Variants in SH2B2 observed in about 807,000 individuals in gnomAD.
The protein encoded by SH2B2 is SH2B adaptor protein 2, also known as SH2B adapter protein 2.
In SH2B2, 37 loss-of-function variants were observed where a neutral mutation model predicts 35.7. That is an observed-to-expected ratio of 1.04 (90% CI 0.80 to 1.36). SH2B2 has a LOEUF of 1.36. Ranked by LOEUF, SH2B2 falls within the 40% of genes most tolerant of loss-of-function variation. SH2B2 has a pLI of 0.00. For synonymous variants in SH2B2, 383 were observed against 376.4 expected, an observed-to-expected ratio of 1.02 and a Z score of -0.20; for missense variants, 852 against 817.7, an observed-to-expected ratio of 1.04 and a Z score of -0.51.
intron 2 of SH2B2, among the ~76,000 whole-genome samples, chr7:102,303,712 A>C (rs1554554346): frequency 6.6e-6 from 1 of 152,174 alleles, no homozygotes; most frequent in African/African-American, 2.4e-5. Flanking sequence ...AGGCCCAGTG[A>C]CGGGTGGGGT....
At chr7:102,313,874 G>A (rs1206309520) in intron 4 of SH2B2, among the ~76,000 whole-genome samples, 1 of 151,608 alleles carries the variant, frequency 6.6e-6, no homozygotes, top group African/African-American at 2.4e-5. Context: ...TCGCGCCACT[G>A]CACTCCAGCC....
chr7:102,291,794 T>C (rs1006251068), intron 1 of SH2B2, among the ~76,000 whole-genome samples: 1 of 152,178 alleles, frequency 6.6e-6, no homozygotes, highest in Admixed American at 6.5e-5. Flanking sequence ...AAGCAGAGAC[T>C]GCGCTGTGTG....
At chr7:102,289,499 G>T (rs938577205) in intron 1 of SH2B2, among the ~76,000 whole-genome samples, 3 of 152,132 alleles carry the variant, frequency 2.0e-5, no homozygotes, top group African/African-American at 7.2e-5. Flanking sequence ...GGAAGAGGAT[G>T]TATTTGAACT....
At chr7:102,312,989 C>T (rs1276165051) in intron 4 of SH2B2, among the ~76,000 whole-genome samples, 3 of 151,610 alleles carry the variant, frequency 2.0e-5, no homozygotes, top group Admixed American at 1.3e-4. Flanking sequence ...ATCAGCCGGG[C>T]GTGGTGGTAC....
intron 2 of SH2B2, among the ~76,000 whole-genome samples, chr7:102,301,537 C>CGT (rs139217859): frequency 0.013 from 1,907 of 148,162 alleles, 13 homozygotes; most frequent in East Asian, 0.036. Flanking sequence ...TTTTTCTTTT[C>CGT]GTGTGTGTGT....
At position 102,314,828 on chromosome 7, in the gene SH2B2, G is replaced by A. The variant is rs893257225; in HGVS notation, c.1186+146G>A. 4 of 397,246 alleles carry A rather than the reference G, an allele frequency of 1.0e-5. No individual in the cohort carries two copies. The South Asian group carries it at 4.3e-4, about 42-fold the overall frequency. 24.6% of individuals were successfully genotyped at this position (397,246 alleles called of 1,614,324 possible). A position where few individuals can be genotyped will look rare whatever the true frequency, so the allele number is the denominator to read the frequency against. On this transcript the variant is annotated intron_variant, in intron 6 of 8. Transcript: ENST00000444095. Reference sequence around the variant, plus strand: ...CCTGGGTCCTTCACACGTCTCCGAAGTACTTCTGGCTTTTGTAGACTGGTC... The same window carrying A: ...CCTGGGTCCTTCACACGTCTCCGAAATACTTCTGGCTTTTGTAGACTGGTC...
rs898028808 is a variant in SH2B2, at chr7:102,297,749, T to A, written c.-29-2773T>A. ...GCCCAGCACTGAGGACACAGCCGCT[T>A]CTAGGACTGGCAAAATCCCTGCCTT... On this transcript the variant is annotated intron_variant, in intron 1 of 8. Transcript: ENST00000444095. The surrounding 1 kb of genome is among the most constrained non-coding windows in gnomAD (Gnocchi z 4.3). 1.3e-5 allele frequency among the ~76,000 whole-genome samples: 2 copies of A among 151,866 alleles called. No homozygotes were observed. Among genetic ancestry groups the A allele is most frequent in the Admixed American group, 1.3e-4 (2 of 15,234 alleles).
Position 102,321,431 on chromosome 7 carries a change from C to G in SH2B2, c.1700C>G (p.Ser567Cys). 7.6e-7 allele frequency: 1 copy of G among 1,312,420 alleles called. No homozygotes were observed. Among genetic ancestry groups the G allele is most frequent in the South Asian group, 1.8e-5 (1 of 54,796 alleles). 81.3% of individuals were successfully genotyped at this position (1,312,420 alleles called of 1,614,324 possible). A position where few individuals can be genotyped will look rare whatever the true frequency, so the allele number is the denominator to read the frequency against. ...PASPSDAAGA[S>C]SSSASSSSAA... Reference sequence around the variant, plus strand: ...TCGCCCTCCGACGCCGCCGGCGCCTCCTCGTCTTCCGCCTCGTCGTCCTCT... The same window carrying G: ...TCGCCCTCCGACGCCGCCGGCGCCTGCTCGTCTTCCGCCTCGTCGTCCTCT... Residue 567 changes from serine (S) to cysteine (C), a missense_variant, in exon 9 of 9, where the codon TCC becomes TGC. Physicochemically the swap from Ser to Cys is moderately radical, Grantham distance 112 (BLOSUM62 -1). Transcript: ENST00000444095.
rs782364437 is a variant in SH2B2 at position 102,301,297 on chromosome 7, C to G, written c.729+18C>G. 1 of 1,593,630 alleles carries G rather than the reference C, an allele frequency of 6.3e-7. No homozygotes were observed. Among genetic ancestry groups the G allele is most frequent in the Non-Finnish European group, 8.5e-7 (1 of 1,171,072 alleles). ...CGCCCAAAGTGAGTTACCCCATAAT[C>G]CCACCTAGCCTGGGGGGACCAGAGG... is the stretch of plus-strand genomic sequence containing the variant. On this transcript the variant is annotated intron_variant, in intron 2 of 8. Transcript: ENST00000444095.
In SH2B2 at chr7:102,300,694, C is replaced by A; in HGVS notation, c.144C>A (p.Asp48Glu). 6.5e-7 allele frequency: 1 copy of A among 1,545,834 alleles called. No homozygotes were observed. Among genetic ancestry groups the A allele is most frequent in the African/African-American group, 1.4e-5 (1 of 72,906 alleles). ...ACAAGTTCTGCCGTTTCCTGCGGGA[C>A]AACCCAGCTTACGACACGCCCGACG... The part of the protein sequence containing the change: ...FAHKFCRFLR[D>E]NPAYDTPDAG... Residue 48 changes from aspartate to glutamate, a missense_variant, in exon 2 of 9, where the codon GAC becomes GAA. By Grantham distance (45) the Asp-to-Glu change is conservative (BLOSUM62 2). This residue lies in a region of SH2B2 where 294 missense variants were observed against 286.6 expected (regional missense o/e 1.03). Coordinates refer to ENST00000444095, the MANE Select transcript of SH2B2 (RefSeq NM_001359228.2).
chr7:102,295,626 C>G (rs782493081), intron 1 of SH2B2, among the ~76,000 whole-genome samples: 31 of 152,194 alleles, frequency 2.0e-4, no homozygotes, highest in Non-Finnish European at 4.1e-4. Flanking sequence ...TTGAAGTACC[C>G]TATAACTGGC....
chr7:102,309,176 G>A (rs1430068033), intron 4 of SH2B2: 1 of 580,228 alleles, frequency 1.7e-6, no homozygotes, highest in African/African-American at 1.8e-5. Context: ...CCCCAAGAGA[G>A]CCTCAGAGCA....
intron 2 of SH2B2, among the ~76,000 whole-genome samples, chr7:102,304,776 G>A (rs1266299069): frequency 2.0e-5 from 3 of 152,212 alleles, no homozygotes; most frequent in Non-Finnish European, 2.9e-5. Context: ...CCCCAGCCCC[G>A]CTGGCCGGCA....
chr7:102,301,693 T>C (rs1242521157), intron 2 of SH2B2, among the ~76,000 whole-genome samples: 2 of 151,174 alleles, frequency 1.3e-5, no homozygotes, highest in Non-Finnish European at 2.9e-5. Context: ...TGCCTCAGCC[T>C]CCCAGGTAGC....
intron 4 of SH2B2, chr7:102,309,248 C>T (rs1793520596): frequency 2.1e-6 from 1 of 469,676 alleles, no homozygotes; most frequent in African/African-American, 2.0e-5. Context: ...TGCAGTGGCT[C>T]ACATCTGTGA....
intron 7 of SH2B2, 76 bp downstream of exon 7, chr7:102,317,471 A>G: frequency 7.5e-7 from 1 of 1,336,078 alleles, no homozygotes; most frequent in Non-Finnish European, 1.0e-6. Context: ...CCCGGTCCTG[A>G]GGCTGTGCCC....
At chr7:102,289,674 TG>T (rs1188287395) in intron 1 of SH2B2, among the ~76,000 whole-genome samples, 55 of 151,486 alleles carry the variant, frequency 3.6e-4, no homozygotes, top group African/African-American at 1.3e-3. Flanking sequence ...ATGAGTGTCC[TG>T]GAAAAGCCAG....
Position 102,321,425 on chromosome 7 carries a change from GCGCCTCCT to G in SH2B2, c.1697_1704del (p.Ala566ValfsTer?). The G allele has an allele frequency of 7.6e-7, 1 of 1,321,832 alleles. No homozygotes were observed. Among genetic ancestry groups the G allele is most frequent in the Non-Finnish European group, 9.7e-7 (1 of 1,033,828 alleles). The allele number at this position is 1,321,832 out of a possible 1,614,324, so 81.9% of individuals were successfully genotyped here. A position where few individuals can be genotyped will look rare whatever the true frequency, so the allele number is the denominator to read the frequency against. ...CCTGCCTCGCCCTCCGACGCCGCCG[GCGCCTCCT>G]CGTCTTCCGCCTCGTCGTCCTCTGC... On this transcript the variant is annotated frameshift_variant, in exon 9 of 9. Coordinates refer to ENST00000444095, the MANE Select transcript of SH2B2 (RefSeq NM_001359228.2). LOFTEE classifies it low-confidence loss of function (END_TRUNC).
At chr7:102,316,597 A>G (rs1163827822) in intron 6 of SH2B2, among the ~76,000 whole-genome samples, 1 of 151,284 alleles carries the variant, frequency 6.6e-6, no homozygotes, top group Non-Finnish European at 1.5e-5. Flanking sequence ...AAACAAAAAA[A>G]TATTCAGGCC....
Sources: allele counts gnomAD v4.1 joint callset (sites outside exome capture counted in the v4.1 genomes callset), GRCh38; gene constraint gnomAD v4.1.1; regional missense constraint gnomAD v4.1.1; non-coding constraint Gnocchi (gnomAD v3.1); transcripts MANE v1.5; gene names NCBI Gene and HGNC (gene_info 2026-07-23, HGNC 2026-07-21).